CDH12: variants seen among roughly 807,000 people sequenced by gnomAD.
CDH12 encodes cadherin 12.
Under a neutral mutation model 74.1 loss-of-function variants are expected in CDH12, and 41 were observed. That is an observed-to-expected ratio of 0.55 (90% CI 0.43 to 0.72). CDH12 has a LOEUF of 0.72. CDH12 is among the 30% of genes least tolerant of loss of function. The pLI, the probability that CDH12 is intolerant of heterozygous loss-of-function variation, is 0.00. For synonymous variants in CDH12, 399 were observed against 355.0 expected (o/e 1.12, Z -1.39); for missense variants, 945 against 977.2 (o/e 0.97, Z 0.44).
chr5:21,794,809 A>G (rs1158648597), intron 10 of CDH12, among the ~76,000 whole-genome samples: 1 of 151,700 alleles, frequency 6.6e-6, no homozygotes, highest in Non-Finnish European at 1.5e-5. Flanking sequence ...TATAGAAACT[A>G]ACACACTATT....
At chr5:22,738,243 A>G (rs1744843016) in intron 1 of CDH12, among the ~76,000 whole-genome samples, 1 of 152,060 alleles carries the variant, frequency 6.6e-6, no homozygotes, top group South Asian at 2.1e-4. Flanking sequence ...AAAATCATTT[A>G]GGAATCATAA....
At chr5:22,645,866 C>T (rs1332308735) in intron 1 of CDH12, among the ~76,000 whole-genome samples, 1 of 151,892 alleles carries the variant, frequency 6.6e-6, no homozygotes, top group Non-Finnish European at 1.5e-5. Context: ...ATTTATATTA[C>T]ATATATATTG....
intron 2 of CDH12, among the ~76,000 whole-genome samples, chr5:22,504,656 G>A (rs953949095): frequency 6.6e-6 from 1 of 152,014 alleles, no homozygotes; most frequent in African/African-American, 2.4e-5. Context: ...TGTCTGTGAA[G>A]GTTAACTGTA....
chr5:22,321,982 T>C (rs1302496977), intron 3 of CDH12, among the ~76,000 whole-genome samples: 1 of 152,126 alleles, frequency 6.6e-6, no homozygotes, highest in Non-Finnish European at 1.5e-5. Context: ...AAATTCGATA[T>C]CTATTTCATA....
At chr5:22,379,225 G>C (rs530705938) in intron 3 of CDH12, among the ~76,000 whole-genome samples, 3 of 152,266 alleles carry the variant, frequency 2.0e-5, no homozygotes, top group East Asian at 3.9e-4. Context: ...ATGGTGGAAA[G>C]AGATCATGTT....
At chr5:21,987,866 G>A (rs1359529035) in intron 5 of CDH12, among the ~76,000 whole-genome samples, 1 of 151,938 alleles carries the variant, frequency 6.6e-6, no homozygotes, top group East Asian at 1.9e-4. Context: ...AATATTCAGT[G>A]CATTGGTTTT....
chr5:22,800,176 T>C (rs1222988130), intron 1 of CDH12, among the ~76,000 whole-genome samples: 3 of 152,146 alleles, frequency 2.0e-5, no homozygotes, highest in South Asian at 2.1e-4. Context: ...CTATTATGAA[T>C]GCAATTTCAA....
chr5:22,057,564 G>T (rs921305232), intron 5 of CDH12, among the ~76,000 whole-genome samples: 1 of 152,292 alleles, frequency 6.6e-6, no homozygotes, highest in African/African-American at 2.4e-5. Context: ...GCGGAAGGGA[G>T]TGAACTCTGT....
chr5:22,738,745 A>G (rs1298902534), intron 1 of CDH12, among the ~76,000 whole-genome samples: 3 of 152,100 alleles, frequency 2.0e-5, no homozygotes. Flanking sequence ...ATGAAATTAC[A>G]CAATCATAGG....
At chr5:22,059,410 G>C (rs1454364458) in intron 5 of CDH12, among the ~76,000 whole-genome samples, 1 of 148,386 alleles carries the variant, frequency 6.7e-6, no homozygotes, top group Admixed American at 6.8e-5. Flanking sequence ...TACTTTTAAA[G>C]CTATACCACT....
intron 1 of CDH12, among the ~76,000 whole-genome samples, chr5:22,622,567 T>C (rs573997141): frequency 7.0e-4 from 106 of 151,866 alleles, no homozygotes; most frequent in Non-Finnish European, 1.2e-3. Flanking sequence ...AACTAGAAAA[T>C]CTAGAAGAAA....
At chr5:22,697,969 C>T (rs1280478120) in intron 1 of CDH12, among the ~76,000 whole-genome samples, 1 of 151,990 alleles carries the variant, frequency 6.6e-6, no homozygotes, top group Non-Finnish European at 1.5e-5. Flanking sequence ...CCTCTCACCC[C>T]CAGGACTGGA....
intron 2 of CDH12, among the ~76,000 whole-genome samples, chr5:22,407,904 T>G (rs1483433487): frequency 6.6e-6 from 1 of 152,100 alleles, no homozygotes; most frequent in East Asian, 1.9e-4. Context: ...ACAGGATGCT[T>G]TTTTACGTTT....
chr5:22,360,730 C>A (rs1443417020), intron 3 of CDH12, among the ~76,000 whole-genome samples: 1 of 152,162 alleles, frequency 6.6e-6, no homozygotes, highest in Non-Finnish European at 1.5e-5. Context: ...AGCTTATCCA[C>A]CATGATCAAG....
rs183755310 is a variant in CDH12, at chr5:21,764,879, A to G, written c.1515+99T>C. ...TCTTTTATGAAAGCTCTGATTCAGA[A>G]AAACAAATATATGTGTGCATATTCA... On this transcript the variant is annotated intron_variant, in intron 12 of 14. Transcript: ENST00000382254. 40 of 1,156,790 alleles carry G rather than the reference A, an allele frequency of 3.5e-5. 1 individual carries two copies. The African/African-American group carries it at 5.5e-4, about 16-fold the overall frequency. The allele number at this position is 1,156,790 out of a possible 1,614,324, so 71.7% of individuals were successfully genotyped here.
intron 5 of CDH12, among the ~76,000 whole-genome samples, chr5:21,991,326 A>T: frequency 6.6e-6 from 1 of 151,768 alleles, no homozygotes. Flanking sequence ...AAATATCTAC[A>T]TTCTTTCTCA....
At chr5:21,880,827 G>C (rs1752316836) in intron 6 of CDH12, among the ~76,000 whole-genome samples, 7 of 151,804 alleles carry the variant, frequency 4.6e-5, no homozygotes, top group Non-Finnish European at 1.5e-5. Flanking sequence ...GATCGTGAGA[G>C]AGAAAGTTTC....
chr5:22,470,364 T>A (rs182032212), intron 2 of CDH12, among the ~76,000 whole-genome samples: 12 of 152,032 alleles, frequency 7.9e-5, no homozygotes, highest in African/African-American at 2.9e-4. Context: ...TTTCTCCTTA[T>A]TTTTCCATTT....
chr5:22,028,953 C>T lies in CDH12; in HGVS notation c.231+49493G>A, dbSNP rs372615515. On this transcript the variant is annotated intron_variant, in intron 5 of 14. Transcript: ENST00000382254. ...AACAGAACAGAGCCCTCAGAAATAA[C>T]GCCACATATCTACAGCGATCTGATC... Among the ~76,000 whole-genome samples the T allele has an allele frequency of 5.0e-4, 76 of 152,128 alleles. 1 individual carries two copies. The highest frequency in any genetic ancestry group is 1.2e-3 in the East Asian group (6 of 5,160).
Sources: gnomAD v4.1 joint callset for allele counts (sites outside exome capture counted in the v4.1 genomes callset) on GRCh38, gnomAD v4.1.1 for gene constraint, MANE v1.5 for transcripts, NCBI Gene and HGNC (gene_info 2026-07-23, HGNC 2026-07-21) for gene names.